The following ZNF142 variants were observed in gnomAD, a reference collection of about 807,000 sequenced individuals.
ZNF142 encodes zinc finger protein 142.
Under a neutral mutation model 132.1 loss-of-function variants are expected in ZNF142, and 96 were observed. The ratio of observed to expected loss-of-function variants is 0.73; its 90% CI spans 0.62 to 0.86. The LOEUF (loss-of-function observed/expected upper bound fraction) is 0.86, where lower values mean the gene tolerates loss of function less well. ZNF142 is among the 40% of genes least tolerant of loss of function. ZNF142 has a pLI of 0.00. For synonymous variants in ZNF142, 842 were observed against 890.1 expected, an observed-to-expected ratio of 0.95 and a Z score of 0.96; for missense variants, 2,163 against 2,336.2, an observed-to-expected ratio of 0.93 and a Z score of 1.53.
At position 218,643,049 on chromosome 2, in the gene ZNF142, C is replaced by G; in HGVS notation, c.4067G>C (p.Arg1356Pro). The change falls in exon 9 of 11, where the codon CGG becomes CCG. Residue 1356 changes from arginine (R) to proline (P), a missense_variant. Arg to Pro is a moderately radical substitution (Grantham distance 103). Coordinates refer to ENST00000411696, the MANE Select transcript of ZNF142 (RefSeq NM_001379659.1). ...AATALRLHQK[R>P]RHPTAAPARG... is the part of the protein sequence containing the mutation. Reference sequence around the variant, plus strand: ...GGCTGGGGCTGCAGTGGGGTGCCTCCGCTTCTGGTGGAGCCTTAAGGCAGT... The same window carrying G: ...GGCTGGGGCTGCAGTGGGGTGCCTCGGCTTCTGGTGGAGCCTTAAGGCAGT... 1 of 1,597,956 alleles carries G rather than the reference C, an allele frequency of 6.3e-7. No individual in the cohort carries two copies.
chr2:218,641,158 C>T (rs1236312786), intron 9 of ZNF142, among the ~76,000 whole-genome samples: 1 of 152,024 alleles, frequency 6.6e-6, no homozygotes, highest in African/African-American at 2.4e-5. Flanking sequence ...TGGCTGGTCT[C>T]AAACTCCTGG....
At chr2:218,650,246 A>G in intron 6 of ZNF142, 113 bp downstream of exon 6, 1 of 1,330,288 alleles carries the variant, frequency 7.5e-7, no homozygotes, top group Non-Finnish European at 1.1e-6. Flanking sequence ...GTAGAACAGA[A>G]TAAAAGGATC....
At chr2:218,655,130 C>T (rs1938366546) in intron 4 of ZNF142, among the ~76,000 whole-genome samples, 2 of 152,138 alleles carry the variant, frequency 1.3e-5, no homozygotes, top group Admixed American at 1.3e-4. Context: ...AAAAGCAAAG[C>T]AAACAACAAA....
In ZNF142 at chr2:218,639,263, G is replaced by A. The variant is rs577805987; in HGVS notation, c.5195-455C>T. Among the ~76,000 whole-genome samples the A allele has an allele frequency of 2.0e-5, 3 of 152,244 alleles. No homozygotes were observed. The East Asian group carries it at 5.8e-4, about 29-fold the overall frequency. On this transcript the variant is annotated intron_variant, in intron 10 of 10. Transcript: ENST00000411696. The stretch of plus-strand genomic sequence containing the variant: ...TGGGATTACAGGCATGAGCCACCGC[G>A]CCTGGCCCTGTCTGACATTTCTGTG...
At position 218,633,932 on chromosome 2, in the gene ZNF142, G is replaced by A; in HGVS notation, c.*4407C>T. On this transcript the variant is annotated 3_prime_UTR_variant, in exon 11 of 11. Transcript: ENST00000411696. ...GAGGAGTTATGAATAGTGGCTCAAG[G>A]GTCTAGGGGCAGGAAAGCTGGTCTG... The A allele has an allele frequency of 8.3e-7, 1 of 1,198,514 alleles. No homozygotes were observed. The allele number at this position is 1,198,514 out of a possible 1,614,324, so 74.2% of individuals were successfully genotyped here. A position where few individuals can be genotyped will look rare whatever the true frequency, so the allele number is the denominator to read the frequency against.
chr2:218,646,451 C>G (rs1697739573), intron 7 of ZNF142, 103 bp from the exon 8 acceptor site: 4 of 1,321,762 alleles, frequency 3.0e-6, no homozygotes, highest in Admixed American at 4.3e-5. Context: ...CAGGGAGGAA[C>G]AACAGCTTCA....
At position 218,633,520 on chromosome 2, in the gene ZNF142, C is replaced by T; in HGVS notation, c.*4819G>A. ...GAGAATACAGTGGGGAGGCAGTGGG[C>T]AGAGGTTTAGGTTGGATGGCCATTA... On this transcript the variant is annotated 3_prime_UTR_variant, in exon 11 of 11. Transcript: ENST00000411696. The T allele has an allele frequency of 6.8e-7, 1 of 1,474,818 alleles. No homozygotes were observed. The highest frequency in any genetic ancestry group is 9.5e-7 in the Non-Finnish European group (1 of 1,056,580). The allele number at this position is 1,474,818 out of a possible 1,614,324, so 91.4% of individuals were successfully genotyped here. A position where few individuals can be genotyped will look rare whatever the true frequency, so the allele number is the denominator to read the frequency against.
rs7574429 is a variant in ZNF142, at chr2:218,634,036, T to G, written c.*4303A>C. 0.64 allele frequency: 978,975 copies of G among 1,536,294 alleles called. 316,251 individuals are homozygous for G. Among genetic ancestry groups the G allele is most frequent in the East Asian group, 0.94 (38,471 of 41,018 alleles). On this transcript the variant is annotated 3_prime_UTR_variant, in exon 11 of 11. Coordinates refer to ENST00000411696, the MANE Select transcript of ZNF142 (RefSeq NM_001379659.1). The surrounding 1 kb of genome is among the most constrained non-coding windows in gnomAD (Gnocchi z 4.0). ...TGGAGAGAAGGGTGAAGAGTAGGCA[T>G]GGTCCTTGGGACTAGGGAAGTGGGA...
Position 218,642,764 on chromosome 2 carries a change from T to C in ZNF142, c.4352A>G (p.His1451Arg), listed in dbSNP as rs768260608. ...SKLRLHRLRV[H>R]DKTPTHFCPL... ...ACAGAAGTGGGTAGGTGTTTTGTCA[T>C]GTACCCTTAACCGGTGCAAGCGCAG... Residue 1451 changes from histidine (H) to arginine (R), a missense_variant, in exon 9 of 11, where the codon CAT (histidine) becomes CGT (arginine). By Grantham distance (29) the His-to-Arg change is conservative. This residue lies in a region of ZNF142 where 809 missense variants were observed against 801.7 expected (regional missense o/e 1.01). Coordinates refer to ENST00000411696, the MANE Select transcript of ZNF142 (RefSeq NM_001379659.1). The surrounding 1 kb of genome is among the most constrained non-coding windows in gnomAD (Gnocchi z 4.6). The C allele has an allele frequency of 1.4e-5, 23 of 1,614,090 alleles. No individual in the cohort carries two copies. Among genetic ancestry groups the C allele is most frequent in the African/African-American group, 2.7e-5 (2 of 74,944 alleles).
chr2:218,655,431 T>C (rs1175554645), intron 4 of ZNF142, among the ~76,000 whole-genome samples: 4 of 152,128 alleles, frequency 2.6e-5, no homozygotes, highest in African/African-American at 9.7e-5. Flanking sequence ...AAAGGGAGAA[T>C]CTTTCATCTG....
In ZNF142 at chr2:218,659,145, T is replaced by A. The variant is rs1938989800; in HGVS notation, c.-361-15A>T. The A allele has an allele frequency of 6.6e-6, 1 of 152,194 alleles. No individual in the cohort carries two copies. The highest frequency in any genetic ancestry group is 2.1e-4 in the South Asian group (1 of 4,820). The allele number at this position is 152,194 out of a possible 1,614,324, so 9.4% of individuals were successfully genotyped here. On this transcript the variant is annotated splice_polypyrimidine_tract_variant and intron_variant, in intron 1 of 10. Transcript: ENST00000411696. The surrounding 1 kb of genome is among the most constrained non-coding windows in gnomAD (Gnocchi z 4.4). ...AACCTGGAAGGCTTGGGATGGAGCATCGTCATGATTTTGTCCTGAGAGCAG... is the reference window on the plus strand; with the variant it reads ...AACCTGGAAGGCTTGGGATGGAGCAACGTCATGATTTTGTCCTGAGAGCAG...
At chr2:218,652,909 C>T (rs1404044271) in intron 4 of ZNF142, among the ~76,000 whole-genome samples, 6 of 152,028 alleles carry the variant, frequency 3.9e-5, no homozygotes, top group African/African-American at 1.5e-4. Context: ...GTGGTAGAGC[C>T]ATGACTCAAG....
chr2:218,643,569 G>C lies in ZNF142; in HGVS notation c.3547C>G (p.Pro1183Ala). 6.3e-7 allele frequency: 1 copy of C among 1,594,548 alleles called. No homozygotes were observed. Among genetic ancestry groups the C allele is most frequent in the East Asian group, 2.2e-5 (1 of 44,640 alleles). ...TEAPKKHCFD[P>A]VPPAGNSSPT... ...GAGGAGTTTCCTGCAGGAGGGACTG[G>C]GTCAAAGCAGTGCTTCTTAGGGGCC... The change falls in exon 9 of 11, where the codon CCA (proline) becomes GCA (alanine). Residue 1183 changes from proline to alanine, a missense_variant. By Grantham distance (27) the Pro-to-Ala change is conservative (BLOSUM62 -1). Transcript: ENST00000411696.
At position 218,645,209 on chromosome 2, in the gene ZNF142, T is replaced by A. The variant is rs370219857; in HGVS notation, c.2052-145A>T. 365 of 1,047,658 alleles carry A rather than the reference T, an allele frequency of 3.5e-4. 7 individuals are homozygous for A. The South Asian group carries it at 5.8e-3, about 17-fold the overall frequency. 64.9% of individuals were successfully genotyped at this position (1,047,658 alleles called of 1,614,324 possible). On this transcript the variant is annotated intron_variant, in intron 8 of 10. Coordinates refer to ENST00000411696, the MANE Select transcript of ZNF142 (RefSeq NM_001379659.1). The stretch of plus-strand genomic sequence containing the variant: ...TGTAACCCTCCTTTTCACTACCCTA[T>A]GAAACTGGTATCTCTATTTTCCAAG...
At chr2:218,658,306 A>G (rs1938793399) in intron 3 of ZNF142, among the ~76,000 whole-genome samples, 1 of 152,166 alleles carries the variant, frequency 6.6e-6, no homozygotes, top group Non-Finnish European at 1.5e-5. Context: ...TTGGGAGGCC[A>G]AGGCGGGCCG....
chr2:218,638,672 G>C lies in ZNF142; in HGVS notation c.5331C>G (p.Arg1777=). The C allele has an allele frequency of 6.2e-7, 1 of 1,614,232 alleles. No homozygotes were observed. The highest frequency in any genetic ancestry group is 8.5e-7 in the Non-Finnish European group (1 of 1,180,050). ...TGCGAAGGTGGGTGCGCAGCAGGAA[G>C]CGCGTCTTGAAGGCCTTGCCACACT... is the stretch of plus-strand genomic sequence containing the variant. ...CEQCGKAFKT[R]FLLRTHLRKH... is the part of the protein sequence containing the mutation. Residue 1777 remains arginine (R), a synonymous_variant, in exon 11 of 11, where the codon CGC becomes CGG. Coordinates refer to ENST00000411696, the MANE Select transcript of ZNF142 (RefSeq NM_001379659.1).
At chr2:218,640,287 G>A (rs1250713190) in intron 10 of ZNF142, among the ~76,000 whole-genome samples, 2 of 152,094 alleles carry the variant, frequency 1.3e-5, no homozygotes, top group African/African-American at 2.4e-5. Flanking sequence ...ACTAGAACAG[G>A]AGAATCCTTC....
intron 10 of ZNF142, among the ~76,000 whole-genome samples, chr2:218,639,080 T>A (rs1696959073): frequency 6.6e-6 from 1 of 152,240 alleles, no homozygotes; most frequent in South Asian, 2.1e-4. Flanking sequence ...CAAGTGATCC[T>A]CCTGCCTCAG....
chr2:218,654,611 T>C (rs925812574), intron 4 of ZNF142, among the ~76,000 whole-genome samples: 1 of 152,094 alleles, frequency 6.6e-6, no homozygotes, highest in African/African-American at 2.4e-5. Flanking sequence ...GGCAACTGCC[T>C]GTCTCGGCCT....
Sources: allele counts gnomAD v4.1 joint callset (sites outside exome capture counted in the v4.1 genomes callset), GRCh38; gene constraint gnomAD v4.1.1; regional missense constraint gnomAD v4.1.1; non-coding constraint Gnocchi (gnomAD v3.1); transcripts MANE v1.5; gene names NCBI Gene and HGNC (gene_info 2026-07-23, HGNC 2026-07-21).